Variants in C12orf50 observed in about 807,000 individuals in gnomAD.
The protein encoded by C12orf50 is uncharacterized protein C12orf50.
Under a neutral mutation model 61.6 loss-of-function variants are expected in C12orf50, and 35 were observed. That is an observed-to-expected ratio of 0.57 (90% CI 0.43 to 0.75). The LOEUF (loss-of-function observed/expected upper bound fraction) is 0.75, where lower values mean the gene tolerates loss of function less well. C12orf50 is among the 30% of genes least tolerant of loss of function. The pLI, the probability that C12orf50 is intolerant of heterozygous loss-of-function variation, is 0.00. For missense variants in C12orf50, 475 were observed against 488.5 expected, an observed-to-expected ratio of 0.97 and a Z score of 0.26; for synonymous variants, 178 against 161.5, an observed-to-expected ratio of 1.10 and a Z score of -0.77.
chr12:87,981,251 T>C (rs2030454055), intron 12 of C12orf50, among the ~76,000 whole-genome samples: 1 of 152,134 alleles, frequency 6.6e-6, no homozygotes, highest in South Asian at 2.1e-4. Context: ...GATCCTAATT[T>C]CTGGGAATTG....
chr12:87,980,841 C>G (rs571049406), intron 12 of C12orf50, among the ~76,000 whole-genome samples: 1 of 152,140 alleles, frequency 6.6e-6, no homozygotes, highest in African/African-American at 2.4e-5. Flanking sequence ...TTCTCCTGTC[C>G]GCCAGTGCCC....
intron 3 of C12orf50, among the ~76,000 whole-genome samples, chr12:88,021,051 G>A (rs990151479): frequency 6.6e-6 from 1 of 152,084 alleles, no homozygotes; most frequent in African/African-American, 2.4e-5. Flanking sequence ...TAAGAGGGAA[G>A]TTTATAGCAC....
intron 3 of C12orf50, among the ~76,000 whole-genome samples, chr12:88,024,648 G>GA (rs1255698240): frequency 2.0e-5 from 3 of 152,040 alleles, no homozygotes; most frequent in Non-Finnish European, 1.5e-5. Context: ...GAGAGGATCA[G>GA]AAAAAATATC....
intron 3 of C12orf50, among the ~76,000 whole-genome samples, chr12:88,017,531 T>A (rs1445051472): frequency 6.6e-6 from 1 of 152,054 alleles, no homozygotes; most frequent in Non-Finnish European, 1.5e-5. Context: ...GCCAGTAGAG[T>A]GGAGCACTGC....
chr12:88,026,529 T>C lies in C12orf50; in HGVS notation c.92A>G (p.Lys31Arg). Residue 31 changes from lysine (K) to arginine (R), a missense_variant, in exon 3 of 13, where the codon AAA becomes AGA. By Grantham distance (26) the Lys-to-Arg change is conservative. Transcript: ENST00000298699. Reference protein sequence around the residue: ...VKISCIFYHSKPRNINGLFLP... With the variant: ...VKISCIFYHSRPRNINGLFLP... ...AAATAATCCATTGATATTTCGAGGT[T>C]TGCTGTGATAAAAGATACAGCTGAT... The C allele has an allele frequency of 6.2e-7, 1 of 1,613,972 alleles. No individual in the cohort carries two copies. Among genetic ancestry groups the C allele is most frequent in the Non-Finnish European group, 8.5e-7 (1 of 1,179,992 alleles).
intron 1 of C12orf50, 109 bp downstream of exon 1, chr12:88,029,231 C>A: frequency 3.5e-6 from 2 of 571,136 alleles, no homozygotes; most frequent in Non-Finnish European, 2.7e-6. Context: ...AAAATAATTT[C>A]TTTTCCACAG....
rs1176204520 is a variant in C12orf50 at position 87,980,176 on chromosome 12, T to G, written c.*155A>C. The G allele has an allele frequency of 1.4e-6, 1 of 707,518 alleles. No homozygotes were observed. The highest frequency in any genetic ancestry group is 2.4e-6 in the Non-Finnish European group (1 of 419,252). 43.8% of individuals were successfully genotyped at this position (707,518 alleles called of 1,614,324 possible). A position where few individuals can be genotyped will look rare whatever the true frequency, so the allele number is the denominator to read the frequency against. On this transcript the variant is annotated 3_prime_UTR_variant, in exon 13 of 13. Transcript: ENST00000298699. ...GAAAGAGCACAATGTACTTCCTGCA[T>G]CTTATTTTCAGAATTTGCATTTTTA...
chr12:87,985,436 A>C, intron 11 of C12orf50: 1 of 181,772 alleles, frequency 5.5e-6, no homozygotes, highest in Non-Finnish European at 1.1e-5. Flanking sequence ...TTAATCCCCA[A>C]ACCAACCCTT....
intron 3 of C12orf50, among the ~76,000 whole-genome samples, chr12:88,023,451 G>A (rs2032591671): frequency 6.6e-6 from 1 of 151,392 alleles, no homozygotes; most frequent in African/African-American, 2.4e-5. Flanking sequence ...GGATCACAAG[G>A]TCAGGAGATT....
chr12:88,014,513 A>G (rs902813876), intron 3 of C12orf50, among the ~76,000 whole-genome samples: 2 of 152,050 alleles, frequency 1.3e-5, no homozygotes, highest in Non-Finnish European at 2.9e-5. Flanking sequence ...ATGAGCCAGG[A>G]TGGTCTCGAT....
At chr12:88,027,179 C>T in intron 1 of C12orf50, 109 bp from the exon 2 acceptor site, 1 of 1,163,596 alleles carries the variant, frequency 8.6e-7, no homozygotes, top group Non-Finnish European at 1.2e-6. Flanking sequence ...ACACTAGAAT[C>T]ACAAAGATAT....
At position 88,001,614 on chromosome 12, in the gene C12orf50, C is replaced by T. The variant is rs1440741301; in HGVS notation, c.134-3424G>A. ...GGTTACAATTCAGTATTGGAGCCATCTGAGCCCAGATTTTAATTGTGGCAA... is the reference window on the plus strand; with the variant it reads ...GGTTACAATTCAGTATTGGAGCCATTTGAGCCCAGATTTTAATTGTGGCAA... On this transcript the variant is annotated intron_variant, in intron 3 of 12. Coordinates refer to ENST00000298699, the MANE Select transcript of C12orf50 (RefSeq NM_152589.3). Among the ~76,000 whole-genome samples, 11 of 151,012 alleles carry T rather than the reference C, an allele frequency of 7.3e-5. 1 individual carries two copies. The highest frequency in any genetic ancestry group is 2.7e-4 in the African/African-American group (11 of 41,336).
At chr12:87,985,120 T>C (rs1162286664) in intron 11 of C12orf50, 1 of 152,066 alleles carries the variant, frequency 6.6e-6, no homozygotes, top group Non-Finnish European at 1.5e-5. Flanking sequence ...TATAGTCTTA[T>C]GTTTCCATAA....
At chr12:87,988,065 C>T (rs941548091) in intron 8 of C12orf50, 99 bp from the exon 9 acceptor site, 16 of 608,474 alleles carry the variant, frequency 2.6e-5, no homozygotes, top group Non-Finnish European at 4.1e-5. Flanking sequence ...AATGGGAACA[C>T]CTCTTTAAAA....
At chr12:88,020,782 G>T (rs924571327) in intron 3 of C12orf50, among the ~76,000 whole-genome samples, 1 of 151,294 alleles carries the variant, frequency 6.6e-6, no homozygotes, top group Non-Finnish European at 1.5e-5. Flanking sequence ...CCATACATTT[G>T]GACATAAAAC....
intron 1 of C12orf50, 130 bp downstream of exon 1, chr12:88,029,210 T>G: frequency 1.4e-6 from 1 of 739,462 alleles, no homozygotes; most frequent in Middle Eastern, 3.0e-4. Context: ...ACTATCAGTG[T>G]GTAAGGGGGA....
intron 3 of C12orf50, among the ~76,000 whole-genome samples, chr12:88,022,866 A>T (rs1443668205): frequency 6.6e-6 from 1 of 152,254 alleles, no homozygotes; most frequent in African/African-American, 2.4e-5. Flanking sequence ...TGATGCAAAC[A>T]AATGGAAAAA....
At chr12:87,989,483 C>T in intron 7 of C12orf50, 112 bp from the exon 8 acceptor site, 1 of 665,500 alleles carries the variant, frequency 1.5e-6, no homozygotes. Context: ...TCTTTGGACA[C>T]TTCTCAGTGA....
rs139413415 is a variant in C12orf50 at position 88,028,760 on chromosome 12, T to G, written c.-109+580A>C. Among the ~76,000 whole-genome samples, 11 of 152,258 alleles carry G rather than the reference T, an allele frequency of 7.2e-5. 1 individual carries two copies. The East Asian group carries it at 2.1e-3, about 29-fold the overall frequency. ...CCTATGATGTTTTAATATTAGGAAT[T>G]TAATGTCTCAAGGTGTCATAATATA... On this transcript the variant is annotated intron_variant, in intron 1 of 12. Coordinates refer to ENST00000298699, the MANE Select transcript of C12orf50 (RefSeq NM_152589.3).
Sources: allele counts gnomAD v4.1 joint callset (sites outside exome capture counted in the v4.1 genomes callset), GRCh38; gene constraint gnomAD v4.1.1; transcripts MANE v1.5; gene names NCBI Gene and HGNC (gene_info 2026-07-23, HGNC 2026-07-21).